GFRA1: variants seen among roughly 807,000 people sequenced by gnomAD.
GFRA1 encodes GDNF family receptor alpha 1.
GFRA1 carries 16 observed loss-of-function variants against 51.6 expected under a neutral mutation model. The ratio of observed to expected loss-of-function variants is 0.31; its 90% CI spans 0.21 to 0.47. GFRA1 has a LOEUF of 0.47. GFRA1 is among the 20% of genes least tolerant of loss of function. GFRA1 has a pLI of 1.00. For missense variants in GFRA1, 530 were observed against 594.3 expected, an observed-to-expected ratio of 0.89 and a Z score of 1.13; for synonymous variants, 270 against 241.3, an observed-to-expected ratio of 1.12 and a Z score of -1.10.
intron 4 of GFRA1, among the ~76,000 whole-genome samples, chr10:116,242,390 C>T (rs563515531): frequency 5.3e-5 from 8 of 152,152 alleles, no homozygotes; most frequent in Admixed American, 2.0e-4. Context: ...AAGCAGGTAA[C>T]GATAATTTGT....
intron 9 of GFRA1, among the ~76,000 whole-genome samples, chr10:116,067,599 A>G (rs74158559): frequency 0.017 from 2,537 of 152,262 alleles, 72 homozygotes; most frequent in African/African-American, 0.057. Context: ...TGTATACTCA[A>G]TCTGTGACAC....
intron 4 of GFRA1, among the ~76,000 whole-genome samples, chr10:116,215,803 A>C (rs928447442): frequency 6.6e-6 from 1 of 152,260 alleles, no homozygotes; most frequent in African/African-American, 2.4e-5. Context: ...GCTCATACTC[A>C]CTTCCCAAGG....
rs1555167946 is a variant in GFRA1, at chr10:116,207,107, TATTTTCTC to T, written c.433+4516_433+4523del. Among the ~76,000 whole-genome samples, 20 of 79,376 alleles carry T rather than the reference TATTTTCTC, an allele frequency of 2.5e-4. No homozygotes were observed. In the East Asian group the frequency reaches 3.0e-3, roughly 12 times the overall value. The allele number at this position is 79,376 out of a possible 152,430, so 52.1% of individuals were successfully genotyped here. A position where few individuals can be genotyped will look rare whatever the true frequency, so the allele number is the denominator to read the frequency against. On this transcript the variant is annotated intron_variant, in intron 5 of 10. Transcript: ENST00000355422. ...CTACAGAAAGACAAACAGGGTCAGGTATTTTCTCATCTGTAAAATGTAAAACTGTAAAA... is the reference window on the plus strand; with the variant it reads ...CTACAGAAAGACAAACAGGGTCAGGTATCTGTAAAATGTAAAACTGTAAAA...
intron 5 of GFRA1, among the ~76,000 whole-genome samples, chr10:116,150,553 C>T (rs1959020173): frequency 6.6e-6 from 1 of 152,204 alleles, no homozygotes; most frequent in African/African-American, 2.4e-5. Flanking sequence ...CAAGAATATT[C>T]ACCAGTGGCA....
chr10:116,096,693 T>C lies in GFRA1; in HGVS notation c.842A>G (p.Asn281Ser), dbSNP rs1018452293. 2 of 1,611,792 alleles carry C rather than the reference T, an allele frequency of 1.2e-6. No homozygotes were observed. The highest frequency in any genetic ancestry group is 1.7e-6 in the Non-Finnish European group (2 of 1,178,266). ...GTAGGCGAGGAGGCAGTCAGCGTAGTTTTCCTTTAGACAGCTGCTGACAGA... is the reference window on the plus strand; with the variant it reads ...GTAGGCGAGGAGGCAGTCAGCGTAGCTTTCCTTTAGACAGCTGCTGACAGA... Reference protein sequence around the residue: ...SRSVSSCLKENYADCLLAYSG... With the variant: ...SRSVSSCLKESYADCLLAYSG... The change falls in exon 7 of 11, where the codon AAC becomes AGC. Residue 281 changes from asparagine to serine, a missense_variant. Physicochemically the swap from Asn to Ser is conservative, Grantham distance 46. Coordinates refer to ENST00000355422, the MANE Select transcript of GFRA1 (RefSeq NM_005264.8).
chr10:116,075,837 C>T (rs891777316), intron 9 of GFRA1, among the ~76,000 whole-genome samples: 4 of 152,170 alleles, frequency 2.6e-5, no homozygotes, highest in East Asian at 1.9e-4. Context: ...ATCCGCCTCC[C>T]GGGTTCACGC....
chr10:116,087,282 GA>G (rs1200412707), intron 9 of GFRA1, among the ~76,000 whole-genome samples: 1 of 147,864 alleles, frequency 6.8e-6, no homozygotes, highest in Non-Finnish European at 1.5e-5. Context: ...GGGGCGGAGG[GA>G]CAGGGGGCGG....
Position 116,272,112 on chromosome 10 carries a change from G to A in GFRA1, c.-83C>T, listed in dbSNP as rs533326296. ...TCTTGCCGAGGGAGCTCAGCGTGCA[G>A]CGATCCCCGGACAGCTGTGCTGCTC... is the stretch of plus-strand genomic sequence containing the variant. On this transcript the variant is annotated 5_prime_UTR_variant, in exon 2 of 11. Coordinates refer to ENST00000355422, the MANE Select transcript of GFRA1 (RefSeq NM_005264.8). The surrounding 1 kb of genome is among the most constrained non-coding windows in gnomAD (Gnocchi z 4.4). 3.3e-5 allele frequency: 38 copies of A among 1,137,946 alleles called. No homozygotes were observed. In the African/African-American group the frequency reaches 4.6e-4, roughly 14 times the overall value. The allele number at this position is 1,137,946 out of a possible 1,614,324, so 70.5% of individuals were successfully genotyped here.
At chr10:116,252,592 G>C (rs1968476445) in intron 4 of GFRA1, among the ~76,000 whole-genome samples, 2 of 152,170 alleles carry the variant, frequency 1.3e-5, no homozygotes, top group African/African-American at 2.4e-5. Flanking sequence ...GCAGTCTCCA[G>C]AGAGCAGCCA....
At chr10:116,127,605 ATCTCGC>A (rs1446591720) in intron 5 of GFRA1, among the ~76,000 whole-genome samples, 1 of 152,094 alleles carries the variant, frequency 6.6e-6, no homozygotes, top group Non-Finnish European at 1.5e-5. Context: ...CTGTTTCTCC[ATCTCGC>A]TCTTTCTATG....
chr10:116,271,501 TC>T (rs1260677779), intron 2 of GFRA1, among the ~76,000 whole-genome samples: 1 of 151,904 alleles, frequency 6.6e-6, no homozygotes, highest in Non-Finnish European at 1.5e-5. Context: ...TCAGGCGCTT[TC>T]CGAGGAGAAG....
intron 9 of GFRA1, among the ~76,000 whole-genome samples, chr10:116,084,753 AAATAAGTAACACACACACACAC>A (rs1956012933): frequency 1.8e-5 from 2 of 110,176 alleles, no homozygotes; most frequent in Non-Finnish European, 4.0e-5. Context: ...TATTTACTTT[AAATAAGTAACACACACACACAC>A]ACACACACAC....
intron 5 of GFRA1, among the ~76,000 whole-genome samples, chr10:116,190,645 C>A (rs982619230): frequency 6.6e-6 from 1 of 152,162 alleles, no homozygotes; most frequent in Non-Finnish European, 1.5e-5. Context: ...TCCCAAAACC[C>A]CAGACTCGTG....
At chr10:116,246,839 G>A (rs1029306485) in intron 4 of GFRA1, among the ~76,000 whole-genome samples, 1 of 152,130 alleles carries the variant, frequency 6.6e-6, no homozygotes, top group Non-Finnish European at 1.5e-5. Flanking sequence ...AATATAAAAT[G>A]TGCATGCCTC....
intron 9 of GFRA1, among the ~76,000 whole-genome samples, chr10:116,086,229 G>A (rs2133856861): frequency 6.6e-6 from 1 of 152,252 alleles, no homozygotes; most frequent in Admixed American, 6.5e-5. Flanking sequence ...ACCTGTTAGT[G>A]TAACCTCCCA....
intron 9 of GFRA1, among the ~76,000 whole-genome samples, chr10:116,070,048 G>A (rs1955306611): frequency 6.6e-6 from 1 of 152,164 alleles, no homozygotes; most frequent in Non-Finnish European, 1.5e-5. Flanking sequence ...CCACGCATAA[G>A]AAAAGCCAGT....
intron 5 of GFRA1, among the ~76,000 whole-genome samples, chr10:116,127,064 A>G (rs922716414): frequency 6.6e-6 from 1 of 150,632 alleles, no homozygotes; most frequent in Non-Finnish European, 1.5e-5. Flanking sequence ...AGAAGCAGAG[A>G]GTGGAATGAT....
rs746912184 is a variant in GFRA1, at chr10:116,125,598, GCT to G, written c.434-43_434-42del. 9 of 1,484,876 alleles carry G rather than the reference GCT, an allele frequency of 6.1e-6. No homozygotes were observed. The African/African-American group carries it at 1.1e-4, about 18-fold the overall frequency. The allele number at this position is 1,484,876 out of a possible 1,614,324, so 92.0% of individuals were successfully genotyped here. A position where few individuals can be genotyped will look rare whatever the true frequency, so the allele number is the denominator to read the frequency against. The stretch of plus-strand genomic sequence containing the variant: ...AAGACAGGCATGGTCACAGTGCTCG[GCT>G]CTGTGTTCTCACCTACTCTGTTTTA... On this transcript the variant is annotated intron_variant, in intron 5 of 10. Coordinates refer to ENST00000355422, the MANE Select transcript of GFRA1 (RefSeq NM_005264.8).
intron 4 of GFRA1, among the ~76,000 whole-genome samples, chr10:116,247,762 C>T (rs1967985095): frequency 2.6e-5 from 4 of 152,122 alleles, no homozygotes; most frequent in Admixed American, 2.0e-4. Context: ...TGCCCCCTAC[C>T]CTCCTCCTAT....
Sources: gnomAD v4.1 joint callset for allele counts (sites outside exome capture counted in the v4.1 genomes callset) on GRCh38, gnomAD v4.1.1 for gene constraint, Gnocchi (gnomAD v3.1) non-coding constraint, MANE v1.5 for transcripts, NCBI Gene and HGNC (gene_info 2026-07-23, HGNC 2026-07-21) for gene names.